CRISPLD2: variants seen among roughly 807,000 people sequenced by gnomAD.
The protein encoded by CRISPLD2 is cysteine-rich secretory protein LCCL domain-containing 2.
In CRISPLD2, 47 loss-of-function variants were observed where a neutral mutation model predicts 71.1. The observed-to-expected ratio is 0.66, with a 90% CI of 0.52 to 0.84. The LOEUF is 0.84. Ranked by LOEUF, CRISPLD2 falls within the 40% of genes least tolerant of loss-of-function variation. CRISPLD2 has a pLI of 0.00. For synonymous variants in CRISPLD2, 317 were observed against 250.1 expected, an observed-to-expected ratio of 1.27 and a Z score of -2.52; for missense variants, 830 against 651.1, an observed-to-expected ratio of 1.27 and a Z score of -2.99.
intron 1 of CRISPLD2, among the ~76,000 whole-genome samples, chr16:84,835,425 C>A (rs74250173): frequency 6.6e-6 from 1 of 152,138 alleles, no homozygotes; most frequent in Non-Finnish European, 1.5e-5. Flanking sequence ...TGTTCTCCTG[C>A]GGCCCAAATG....
Position 84,838,543 on chromosome 16 carries a change from G to A in CRISPLD2, c.48G>A (p.Leu16=). The A allele has an allele frequency of 6.2e-7, 1 of 1,614,192 alleles. No individual in the cohort carries two copies. The highest frequency in any genetic ancestry group is 8.5e-7 in the Non-Finnish European group (1 of 1,180,032). The change falls in exon 2 of 15, where the codon CTG becomes CTA. Residue 16 remains leucine (L), a synonymous_variant. Coordinates refer to ENST00000262424, the MANE Select transcript of CRISPLD2 (RefSeq NM_031476.4). ...TCATCCCCTTGGGGCTGCTGTTCCT[G>A]GTCTGCGGATCCCAAGGCTACCTCC... ...GGVIPLGLLF[L]VCGSQGYLLP...
At chr16:84,862,804 C>A (rs1363754986) in intron 6 of CRISPLD2, among the ~76,000 whole-genome samples, 1 of 150,436 alleles carries the variant, frequency 6.6e-6, no homozygotes, top group Non-Finnish European at 1.5e-5. Flanking sequence ...CTGGTGGGTT[C>A]TGGAGTGAAG....
intron 6 of CRISPLD2, among the ~76,000 whole-genome samples, chr16:84,863,555 C>T (rs940303186): frequency 6.6e-6 from 1 of 152,230 alleles, no homozygotes; most frequent in Non-Finnish European, 1.5e-5. Flanking sequence ...TGACACCCAG[C>T]CCAGGTACTT....
chr16:84,862,642 A>T (rs935106404), intron 6 of CRISPLD2, among the ~76,000 whole-genome samples: 8 of 142,652 alleles, frequency 5.6e-5, no homozygotes, highest in African/African-American at 1.3e-4. Context: ...TGGCTGGTCC[A>T]TGGTGCTGAC....
intron 4 of CRISPLD2, 82 bp from the exon 5 acceptor site, chr16:84,850,486 C>A: frequency 9.1e-7 from 1 of 1,094,258 alleles, no homozygotes; most frequent in Non-Finnish European, 1.4e-6. Context: ...TTAGTGCCAG[C>A]ACCTTATACA....
At chr16:84,863,698 G>A (rs940250482) in intron 6 of CRISPLD2, among the ~76,000 whole-genome samples, 1 of 152,160 alleles carries the variant, frequency 6.6e-6, no homozygotes, top group Non-Finnish European at 1.5e-5. Context: ...GGCCGGGCGC[G>A]GTGGCTCATG....
chr16:84,821,939 C>A (rs1249286037), intron 1 of CRISPLD2, among the ~76,000 whole-genome samples: 1 of 152,234 alleles, frequency 6.6e-6, no homozygotes. Flanking sequence ...CAACATGACA[C>A]AGCCAGGGCG....
chr16:84,858,218 G>C (rs1198713431), intron 6 of CRISPLD2, among the ~76,000 whole-genome samples: 2 of 152,208 alleles, frequency 1.3e-5, no homozygotes, highest in African/African-American at 2.4e-5. Flanking sequence ...TATGGCCCAA[G>C]TGGTAGAGCA....
chr16:84,885,809 C>CTTATTTTT (rs1187626543), intron 13 of CRISPLD2, among the ~76,000 whole-genome samples: 1 of 131,776 alleles, frequency 7.6e-6, no homozygotes, highest in African/African-American at 2.9e-5. Flanking sequence ...TGTTGGATCC[C>CTTATTTTT]TTCTTTTTTT....
intron 1 of CRISPLD2, among the ~76,000 whole-genome samples, chr16:84,824,432 G>A (rs1298100602): frequency 6.6e-6 from 1 of 152,218 alleles, no homozygotes; most frequent in Non-Finnish European, 1.5e-5. Context: ...CAAGGTGACT[G>A]AGCACGGGCA....
chr16:84,859,063 T>A (rs1051934864), intron 6 of CRISPLD2, among the ~76,000 whole-genome samples: 28 of 152,228 alleles, frequency 1.8e-4, no homozygotes, highest in Non-Finnish European at 2.6e-4. Flanking sequence ...CCTCCAGGGA[T>A]GCGATATTGT....
chr16:84,833,563 A>T (rs8054355), intron 1 of CRISPLD2, among the ~76,000 whole-genome samples: 41,025 of 151,642 alleles, frequency 0.27, 5,720 homozygotes, highest in Middle Eastern at 0.39. Flanking sequence ...GGAGCCTCAC[A>T]CCCTGGGTAC....
chr16:84,849,110 T>G, intron 3 of CRISPLD2: 1 of 378,030 alleles, frequency 2.6e-6, no homozygotes, highest in East Asian at 4.6e-5. Flanking sequence ...TCAAGGATAA[T>G]GGTATTAAGC....
intron 2 of CRISPLD2, among the ~76,000 whole-genome samples, chr16:84,840,637 G>A (rs1322467061): frequency 6.6e-6 from 1 of 152,118 alleles, no homozygotes; most frequent in Non-Finnish European, 1.5e-5. Flanking sequence ...CTCCTGAGTA[G>A]CTGGGATTAC....
chr16:84,884,582 A>G (rs747869471), intron 13 of CRISPLD2, among the ~76,000 whole-genome samples: 8 of 152,152 alleles, frequency 5.3e-5, no homozygotes, highest in Non-Finnish European at 1.0e-4. Flanking sequence ...GAGGAGAGGA[A>G]TTGGATGCCT....
intron 3 of CRISPLD2, among the ~76,000 whole-genome samples, chr16:84,847,051 C>A (rs1300397969): frequency 2.6e-5 from 4 of 152,224 alleles, no homozygotes; most frequent in African/African-American, 9.7e-5. Context: ...GTGCCATGCC[C>A]AAGGCCAGAA....
intron 14 of CRISPLD2, among the ~76,000 whole-genome samples, chr16:84,901,855 G>A (rs979665078): frequency 7.3e-6 from 1 of 136,406 alleles, no homozygotes; most frequent in African/African-American, 2.8e-5. Flanking sequence ...GTGCAGTGGT[G>A]TGATCTCGGC....
chr16:84,860,059 T>C (rs1410126535), intron 6 of CRISPLD2, among the ~76,000 whole-genome samples: 2 of 143,674 alleles, frequency 1.4e-5, no homozygotes, highest in Admixed American at 1.5e-4. Flanking sequence ...ACTAATCCAC[T>C]CTACCATCCC....
chr16:84,890,613 A>G (rs1363059433), intron 14 of CRISPLD2, among the ~76,000 whole-genome samples: 1 of 151,604 alleles, frequency 6.6e-6, no homozygotes, highest in Non-Finnish European at 1.5e-5. Flanking sequence ...TTAAATCCCT[A>G]GAAGTGGGCC....
Sources: allele counts gnomAD v4.1 joint callset (sites outside exome capture counted in the v4.1 genomes callset), GRCh38; gene constraint gnomAD v4.1.1; transcripts MANE v1.5; gene names NCBI Gene and HGNC (gene_info 2026-07-23, HGNC 2026-07-21).